The following GRID2 variants were observed in gnomAD, a reference collection of about 807,000 sequenced individuals.
GRID2 encodes glutamate receptor ionotropic, delta-2.
A neutral mutation model predicts 114.8 loss-of-function variants in GRID2; 33 were observed. That is an observed-to-expected ratio of 0.29 (90% CI 0.22 to 0.38). The LOEUF (loss-of-function observed/expected upper bound fraction) is 0.38. Among genes scored for constraint, GRID2 ranks in the 10% least tolerant of loss-of-function variants. GRID2 has a pLI of 1.00. For synonymous variants in GRID2, 505 were observed against 449.9 expected (o/e 1.12, Z -1.55); for missense variants, 1,184 against 1,257.7 (o/e 0.94, Z 0.89).
At chr4:92,944,155 G>C (rs967652825) in intron 2 of GRID2, among the ~76,000 whole-genome samples, 1 of 152,220 alleles carries the variant, frequency 6.6e-6, no homozygotes, top group African/African-American at 2.4e-5. Flanking sequence ...GCTGCCTTTT[G>C]TATGGCTATG....
chr4:93,078,949 T>C (rs1198804052), intron 2 of GRID2, among the ~76,000 whole-genome samples: 3 of 147,978 alleles, frequency 2.0e-5, no homozygotes, highest in African/African-American at 7.3e-5. Flanking sequence ...TATGAAAATA[T>C]ATAAATTATA....
At position 93,207,423 on chromosome 4, in the gene GRID2, T is replaced by G. The variant is rs1461166523; in HGVS notation, c.755T>G (p.Val252Gly). 1 of 1,603,854 alleles carries G rather than the reference T, an allele frequency of 6.2e-7. No individual in the cohort carries two copies. Among genetic ancestry groups the G allele is most frequent in the East Asian group, 2.2e-5 (1 of 44,652 alleles). Residue 252 changes from valine (V) to glycine (G), a missense_variant, in exon 5 of 16, where the codon GTT becomes GGT. Val to Gly is a moderately radical substitution (Grantham distance 109). Around this residue, in one of 3 missense-constraint regions of GRID2, gnomAD observed 455 missense variants for 429.5 expected, o/e 1.06. Transcript: ENST00000282020. Reference protein sequence around the residue: ...FITEVVETNLVAFDCHWIIIN... With the variant: ...FITEVVETNLGAFDCHWIIIN... Reference sequence around the variant, plus strand: ...TTCTAGGTTGTGGAGACTAATTTGGTTGCTTTTGACTGTCACTGGATCATT... The same window carrying G: ...TTCTAGGTTGTGGAGACTAATTTGGGTGCTTTTGACTGTCACTGGATCATT...
intron 2 of GRID2, among the ~76,000 whole-genome samples, chr4:92,983,126 T>G (rs1578671685): frequency 6.6e-6 from 1 of 151,858 alleles, no homozygotes; most frequent in African/African-American, 2.4e-5. Flanking sequence ...TGGAGAAGAG[T>G]GTATCAATTA....
At chr4:93,109,546 A>G (rs1732573030) in intron 3 of GRID2, among the ~76,000 whole-genome samples, 1 of 152,094 alleles carries the variant, frequency 6.6e-6, no homozygotes, top group Non-Finnish European at 1.5e-5. Context: ...ATGTTGAAAA[A>G]TACATAAATT....
intron 2 of GRID2, among the ~76,000 whole-genome samples, chr4:92,785,072 CTT>C (rs541472931): frequency 0.012 from 1,491 of 128,154 alleles, 28 homozygotes; most frequent in African/African-American, 0.039. Flanking sequence ...TTTTGTGTTC[CTT>C]TTTTTTTTTT....
chr4:93,144,522 G>A (rs1279073091), intron 4 of GRID2, among the ~76,000 whole-genome samples: 1 of 152,186 alleles, frequency 6.6e-6, no homozygotes, highest in East Asian at 1.9e-4. Context: ...GATGCACTGT[G>A]ATTCAGGAGA....
At chr4:93,680,977 A>T (rs566839466) in intron 14 of GRID2, among the ~76,000 whole-genome samples, 3 of 151,486 alleles carry the variant, frequency 2.0e-5, no homozygotes, top group South Asian at 2.1e-4. Flanking sequence ...TTAGGAAAAG[A>T]GGAAGTCCAA....
chr4:92,940,896 C>T (rs1331468608), intron 2 of GRID2, among the ~76,000 whole-genome samples: 2 of 152,220 alleles, frequency 1.3e-5, no homozygotes, highest in African/African-American at 2.4e-5. Flanking sequence ...GTTGAACCAG[C>T]CTTGCATCCC....
intron 14 of GRID2, among the ~76,000 whole-genome samples, 167 bp from the exon 15 acceptor site, chr4:93,769,043 A>G (rs1365072166): frequency 6.6e-6 from 1 of 152,214 alleles, no homozygotes; most frequent in Non-Finnish European, 1.5e-5. Flanking sequence ...AATCAAAGCA[A>G]TGATGACTTT....
intron 2 of GRID2, among the ~76,000 whole-genome samples, chr4:92,641,143 C>A (rs552192978): frequency 9.2e-5 from 14 of 151,664 alleles, no homozygotes; most frequent in African/African-American, 3.4e-4. Context: ...AGATGTGAAG[C>A]CAGTGCCTGG....
chr4:92,966,111 A>T (rs1377864582), intron 2 of GRID2, among the ~76,000 whole-genome samples: 1 of 151,928 alleles, frequency 6.6e-6, no homozygotes, highest in Non-Finnish European at 1.5e-5. Context: ...ATGGACTTCC[A>T]CGCTATGCAA....
At chr4:92,391,016 C>T (rs1455780572) in intron 1 of GRID2, among the ~76,000 whole-genome samples, 2 of 152,160 alleles carry the variant, frequency 1.3e-5, no homozygotes, top group African/African-American at 2.4e-5. Context: ...CAAATAGTTT[C>T]CTTACTGACA....
At chr4:93,020,335 A>T (rs1723160192) in intron 2 of GRID2, among the ~76,000 whole-genome samples, 1 of 152,116 alleles carries the variant, frequency 6.6e-6, no homozygotes, top group African/African-American at 2.4e-5. Context: ...TTTTATTTTA[A>T]TATTTTTAGC....
chr4:93,686,296 T>C (rs1726073592), intron 14 of GRID2, among the ~76,000 whole-genome samples: 1 of 151,972 alleles, frequency 6.6e-6, no homozygotes, highest in Non-Finnish European at 1.5e-5. Flanking sequence ...TGAGGTCTTA[T>C]CAATATCTCA....
chr4:92,672,774 G>T (rs1263181619), intron 2 of GRID2, among the ~76,000 whole-genome samples: 1 of 152,012 alleles, frequency 6.6e-6, no homozygotes, highest in African/African-American at 2.4e-5. Context: ...TCAAGTCAGG[G>T]TAATTAGGAT....
At chr4:93,299,428 G>A (rs564318486) in intron 8 of GRID2, among the ~76,000 whole-genome samples, 3 of 134,858 alleles carry the variant, frequency 2.2e-5, no homozygotes, top group African/African-American at 3.8e-5. Flanking sequence ...TGTTTGAAAC[G>A]GGGAAAAAAA....
intron 2 of GRID2, among the ~76,000 whole-genome samples, chr4:92,891,324 A>G (rs1203671852): frequency 1.3e-5 from 2 of 152,318 alleles, no homozygotes; most frequent in Admixed American, 1.3e-4. Flanking sequence ...AAAAATGTAT[A>G]AGTACCTGTT....
chr4:92,467,149 A>G (rs139903365), intron 1 of GRID2, among the ~76,000 whole-genome samples: 154 of 152,018 alleles, frequency 1.0e-3, no homozygotes, highest in African/African-American at 3.6e-3. Context: ...TAGGATTTAC[A>G]CAATATTTTA....
intron 2 of GRID2, among the ~76,000 whole-genome samples, chr4:92,873,791 C>T (rs749330009): frequency 2.2e-4 from 34 of 152,036 alleles, no homozygotes; most frequent in Middle Eastern, 3.4e-3. Context: ...CTCGGCTCAC[C>T]GCAACTTCCA....
Sources: gnomAD v4.1 joint callset for allele counts (sites outside exome capture counted in the v4.1 genomes callset) on GRCh38, gnomAD v4.1.1 for gene constraint, gnomAD v4.1.1 regional missense constraint, MANE v1.5 for transcripts, NCBI Gene and HGNC (gene_info 2026-07-23, HGNC 2026-07-21) for gene names.